NCAM2: variants seen among roughly 807,000 people sequenced by gnomAD.
The protein encoded by NCAM2 is N-CAM-2.
Under a neutral mutation model 98.1 loss-of-function variants are expected in NCAM2, and 30 were observed. The ratio of observed to expected loss-of-function variants is 0.31; its 90% CI spans 0.23 to 0.41. The LOEUF is 0.41. Among genes scored for constraint, NCAM2 ranks in the 10% least tolerant of loss-of-function variants. NCAM2 has a pLI of 1.00. For missense variants in NCAM2, 867 were observed against 1,005.8 expected (o/e 0.86, Z 1.87); for synonymous variants, 368 against 342.4 (o/e 1.07, Z -0.83).
chr21:21,408,995 A>G, intron 9 of NCAM2, among the ~76,000 whole-genome samples: 1 of 120,626 alleles, frequency 8.3e-6, no homozygotes, highest in South Asian at 2.4e-4. Context: ...TGCAGTAATA[A>G]AATATTTAAA....
At chr21:21,463,973 A>G (rs1569090557) in intron 12 of NCAM2, 1 of 152,018 alleles carries the variant, frequency 6.6e-6, no homozygotes, top group Admixed American at 6.6e-5. Flanking sequence ...GCTGTTATCA[A>G]TTTTTAACCT....
chr21:21,460,272 A>G (rs892411244), intron 12 of NCAM2, among the ~76,000 whole-genome samples: 3 of 151,982 alleles, frequency 2.0e-5, no homozygotes, highest in South Asian at 2.1e-4. Flanking sequence ...TAATAGGTCA[A>G]TATAAAGCTA....
chr21:21,037,374 CTGTTA>C (rs1328590522), intron 1 of NCAM2, among the ~76,000 whole-genome samples: 2 of 151,970 alleles, frequency 1.3e-5, no homozygotes, highest in African/African-American at 2.4e-5. Flanking sequence ...CCATGTTTTC[CTGTTA>C]TGTTATATGT....
intron 1 of NCAM2, among the ~76,000 whole-genome samples, chr21:21,188,466 T>G (rs767108274): frequency 6.6e-6 from 1 of 152,164 alleles, no homozygotes; most frequent in Non-Finnish European, 1.5e-5. Flanking sequence ...ACTAAAATTT[T>G]TCTATAACTA....
intron 14 of NCAM2, among the ~76,000 whole-genome samples, chr21:21,469,829 T>A (rs1354180554): frequency 6.6e-6 from 1 of 151,976 alleles, no homozygotes; most frequent in Non-Finnish European, 1.5e-5. Flanking sequence ...AGAGGACAAG[T>A]TTTTGTCCCA....
At chr21:21,386,932 C>A (rs2076282166) in intron 9 of NCAM2, among the ~76,000 whole-genome samples, 1 of 152,020 alleles carries the variant, frequency 6.6e-6, no homozygotes, top group Admixed American at 6.6e-5. Flanking sequence ...TGAATCTTAC[C>A]CTTGCTTTCT....
At chr21:21,142,367 T>G (rs111892867) in intron 1 of NCAM2, among the ~76,000 whole-genome samples, 2 of 77,930 alleles carry the variant, frequency 2.6e-5, no homozygotes, top group Non-Finnish European at 5.7e-5. Context: ...ATTTGACCGT[T>G]TTTTTTTATG....
chr21:21,380,166 T>C (rs565963024), intron 9 of NCAM2, among the ~76,000 whole-genome samples: 1 of 152,262 alleles, frequency 6.6e-6, no homozygotes, highest in East Asian at 1.9e-4. Context: ...GAGCAATACT[T>C]TGCATCCTTC....
At chr21:21,184,787 T>G (rs2068585960) in intron 1 of NCAM2, among the ~76,000 whole-genome samples, 1 of 152,168 alleles carries the variant, frequency 6.6e-6, no homozygotes, top group African/African-American at 2.4e-5. Context: ...TCTAATGAAA[T>G]GAATCAGCAT....
chr21:21,268,724 T>A (rs2072385948), intron 1 of NCAM2, among the ~76,000 whole-genome samples: 1 of 152,216 alleles, frequency 6.6e-6, no homozygotes, highest in South Asian at 2.1e-4. Context: ...ATGGACTGTT[T>A]GTTGCCTCCT....
At chr21:21,160,329 A>G (rs2067743865) in intron 1 of NCAM2, among the ~76,000 whole-genome samples, 1 of 151,906 alleles carries the variant, frequency 6.6e-6, no homozygotes, top group South Asian at 2.1e-4. Flanking sequence ...TCTTTAATAT[A>G]AATATATTGT....
intron 5 of NCAM2, among the ~76,000 whole-genome samples, chr21:21,292,835 C>G (rs1225385956): frequency 6.6e-6 from 1 of 151,782 alleles, no homozygotes; most frequent in African/African-American, 2.4e-5. Flanking sequence ...AAAGAATACT[C>G]GAGACTGAGT....
rs1186871170 is a variant in NCAM2, at chr21:21,257,600, C to CCT, written c.56-22969_56-22968dup. Among the ~76,000 whole-genome samples the CCT allele has an allele frequency of 5.3e-5, 8 of 151,476 alleles. No homozygotes were observed. In the East Asian group the frequency reaches 1.6e-3, roughly 29 times the overall value. On this transcript the variant is annotated intron_variant, in intron 1 of 17. Transcript: ENST00000400546. The stretch of plus-strand genomic sequence containing the variant: ...ATGTTGACTCTTTTTTTTATTTTTT[C>CCT]CTCTCTCTCTTTTGAGACAGAGTCT...
At chr21:21,343,394 C>T (rs573567422) in intron 8 of NCAM2, among the ~76,000 whole-genome samples, 7 of 151,216 alleles carry the variant, frequency 4.6e-5, no homozygotes, top group African/African-American at 1.7e-4. Context: ...CACACACACA[C>T]AATCTTCATG....
intron 8 of NCAM2, among the ~76,000 whole-genome samples, chr21:21,346,995 A>G (rs894430159): frequency 3.3e-5 from 5 of 152,082 alleles, no homozygotes; most frequent in African/African-American, 1.2e-4. Flanking sequence ...ACCAAACACA[A>G]AATTAGTAGA....
chr21:21,419,824 C>A (rs544758270), intron 11 of NCAM2, among the ~76,000 whole-genome samples: 1 of 152,022 alleles, frequency 6.6e-6, no homozygotes, highest in African/African-American at 2.4e-5. Context: ...TAAACATACG[C>A]GTGCATGTGT....
chr21:21,258,502 G>GAGC (rs2071761963), intron 1 of NCAM2, among the ~76,000 whole-genome samples: 1 of 152,142 alleles, frequency 6.6e-6, no homozygotes, highest in Non-Finnish European at 1.5e-5. Context: ...GTAAGTGGGA[G>GAGC]AGCTTCTCTG....
chr21:21,541,957 T>C lies in NCAM2; in HGVS notation c.*4000T>C, dbSNP rs1283367191. 1 of 151,790 alleles carries C rather than the reference T, an allele frequency of 6.6e-6. No homozygotes were observed. Among genetic ancestry groups the C allele is most frequent in the Non-Finnish European group, 1.5e-5 (1 of 67,802 alleles). The allele number at this position is 151,790 out of a possible 1,614,324, so 9.4% of individuals were successfully genotyped here. ...TTAGAGAGAAAATATTTGCATCTGT[T>C]TATTTACCCTTTGAAGCATTAATAC... is the stretch of plus-strand genomic sequence containing the variant. On this transcript the variant is annotated 3_prime_UTR_variant, in exon 18 of 18. Transcript: ENST00000400546.
At chr21:21,195,923 A>G (rs1266053690) in intron 1 of NCAM2, among the ~76,000 whole-genome samples, 1 of 152,238 alleles carries the variant, frequency 6.6e-6, no homozygotes, top group East Asian at 1.9e-4. Flanking sequence ...TGTACTTATA[A>G]TGAGGATGGA....
Sources: allele counts gnomAD v4.1 joint callset (sites outside exome capture counted in the v4.1 genomes callset), GRCh38; gene constraint gnomAD v4.1.1; transcripts MANE v1.5; gene names NCBI Gene and HGNC (gene_info 2026-07-23, HGNC 2026-07-21).